HPSE2: variants seen among roughly 807,000 people sequenced by gnomAD.
HPSE2 encodes inactive heparanase-2.
Under a neutral mutation model 60.5 loss-of-function variants are expected in HPSE2, and 38 were observed. The observed-to-expected ratio is 0.63, with a 90% CI of 0.48 to 0.82. The LOEUF (loss-of-function observed/expected upper bound fraction) is 0.82, where lower values mean the gene tolerates loss of function less well. Among genes scored for constraint, HPSE2 ranks in the 40% least tolerant of loss-of-function variants. The probability of loss-of-function intolerance (pLI) is 0.00; values close to 1 mark genes in which losing one functional copy is unlikely to be tolerated. For synonymous variants in HPSE2, 295 were observed against 293.2 expected (o/e 1.01, Z -0.06); for missense variants, 713 against 740.4 (o/e 0.96, Z 0.43).
At chr10:99,182,412 C>T (rs1020555489) in intron 2 of HPSE2, among the ~76,000 whole-genome samples, 1 of 152,172 alleles carries the variant, frequency 6.6e-6, no homozygotes, top group East Asian at 1.9e-4. Context: ...ATCCAGACTT[C>T]CAGTTCTATA....
chr10:98,500,454 A>G (rs1211810649), intron 9 of HPSE2, among the ~76,000 whole-genome samples: 4 of 152,238 alleles, frequency 2.6e-5, no homozygotes, highest in African/African-American at 9.6e-5. Context: ...CAAGATAGAA[A>G]TTAAAAAATT....
In HPSE2 at chr10:99,119,059, AAGAG is replaced by A. The variant is rs1176674599; in HGVS notation, c.610+25175_610+25178del. On this transcript the variant is annotated intron_variant, in intron 3 of 11. Transcript: ENST00000370552. Reference sequence around the variant, plus strand: ...AGAAAGAAAAGAAAAGAAAGAAAGAAAGAGAGAGAAAGAAAGAAAGAGAAAGAAA... The same window carrying A: ...AGAAAGAAAAGAAAAGAAAGAAAGAAAGAGAAAGAAAGAAAGAGAAAGAAA... 6.2e-5 allele frequency among the ~76,000 whole-genome samples: 9 copies of A among 144,482 alleles called. No individual in the cohort carries two copies. In the East Asian group the frequency reaches 1.5e-3, roughly 24 times the overall value. 94.8% of individuals were successfully genotyped at this position (144,482 alleles called of 152,430 possible).
chr10:98,607,018 C>CT (rs1318094907), intron 9 of HPSE2, among the ~76,000 whole-genome samples: 1 of 151,904 alleles, frequency 6.6e-6, no homozygotes, highest in Non-Finnish European at 1.5e-5. Flanking sequence ...AAGGACATTT[C>CT]TTTTTTTCCT....
chr10:99,046,608 A>T (rs10748760), intron 3 of HPSE2, among the ~76,000 whole-genome samples: 69 of 152,084 alleles, frequency 4.5e-4, no homozygotes, highest in Non-Finnish European at 8.1e-4. Context: ...CTACTATAAA[A>T]GATCAATGAT....
At chr10:99,291,368 G>C in the HPSE2 span, among the ~76,000 whole-genome samples, 1 of 152,104 alleles carries the variant, frequency 6.6e-6, no homozygotes, top group Admixed American at 6.5e-5. Context: ...GGCAGATCAC[G>C]AGGTTAAGAG....
At chr10:99,113,051 T>C (rs939950995) in intron 3 of HPSE2, among the ~76,000 whole-genome samples, 21 of 152,226 alleles carry the variant, frequency 1.4e-4, no homozygotes, top group Non-Finnish European at 2.5e-4. Context: ...CATTTTCACT[T>C]TGCATTGTGA....
rs1360580716 is a variant in HPSE2, at chr10:98,698,296, G to T, written c.957-4349C>A. 4.6e-5 allele frequency among the ~76,000 whole-genome samples: 7 copies of T among 151,200 alleles called. 1 individual carries two copies. Among genetic ancestry groups the T allele is most frequent in the African/African-American group, 1.7e-4 (7 of 40,938 alleles). On this transcript the variant is annotated intron_variant, in intron 5 of 11. Transcript: ENST00000370552. ...AGAAATTATAACAAACTGTCTCTCA[G>T]ACCACAGTGCAATCAAACTAGAACT...
At chr10:98,641,803 AC>A (rs1565041342) in intron 7 of HPSE2, 43 bp downstream of exon 7, 1 of 1,401,998 alleles carries the variant, frequency 7.1e-7, no homozygotes. Context: ...TCCTTGTCTT[AC>A]CCCCAGAATC....
chr10:98,551,549 C>T (rs1019913905), intron 9 of HPSE2, among the ~76,000 whole-genome samples: 27 of 152,174 alleles, frequency 1.8e-4, no homozygotes, highest in African/African-American at 6.3e-4. Flanking sequence ...AATTTTCTCT[C>T]TCTGGAATCA....
intron 3 of HPSE2, among the ~76,000 whole-genome samples, chr10:99,028,146 G>A (rs1057133061): frequency 1.3e-5 from 2 of 152,082 alleles, no homozygotes; most frequent in Non-Finnish European, 2.9e-5. Flanking sequence ...GGAAGTCCTA[G>A]CTAGAGCAAC....
chr10:98,955,950 C>T (rs888959652), intron 3 of HPSE2, among the ~76,000 whole-genome samples: 1 of 151,956 alleles, frequency 6.6e-6, no homozygotes, highest in Admixed American at 6.6e-5. Flanking sequence ...ACACCAGGGC[C>T]TCTCAGGAGT....
At chr10:99,293,239 A>T in the HPSE2 span, among the ~76,000 whole-genome samples, 1 of 152,226 alleles carries the variant, frequency 6.6e-6, no homozygotes, top group African/African-American at 2.4e-5. Flanking sequence ...AAAAAAAGGA[A>T]GCTATATAAG....
intron 6 of HPSE2, among the ~76,000 whole-genome samples, chr10:98,673,007 A>G (rs1288040157): frequency 6.6e-6 from 1 of 152,212 alleles, no homozygotes; most frequent in Non-Finnish European, 1.5e-5. Context: ...GCTATAAGGT[A>G]TAATTTGCTC....
At chr10:99,173,786 T>C (rs1320599505) in intron 2 of HPSE2, among the ~76,000 whole-genome samples, 1 of 151,566 alleles carries the variant, frequency 6.6e-6, no homozygotes, top group Non-Finnish European at 1.5e-5. Flanking sequence ...CTACTAAAAG[T>C]ACAAAAATTA....
At chr10:99,234,577 C>G (rs1331031565) in intron 1 of HPSE2, among the ~76,000 whole-genome samples, 1 of 152,170 alleles carries the variant, frequency 6.6e-6, no homozygotes, top group African/African-American at 2.4e-5. Context: ...AACTCTGTCC[C>G]TGATGGGAAG....
chr10:99,254,289 C>A, the HPSE2 span, among the ~76,000 whole-genome samples: 1 of 152,090 alleles, frequency 6.6e-6, no homozygotes, highest in East Asian at 1.9e-4. Context: ...TGAATTAACA[C>A]AGGAACAGAT....
chr10:98,744,929 G>C (rs994154402), intron 3 of HPSE2, among the ~76,000 whole-genome samples: 1 of 152,208 alleles, frequency 6.6e-6, no homozygotes, highest in Non-Finnish European at 1.5e-5. Context: ...ATTGCCGGGC[G>C]TGGTGGCTCA....
At chr10:99,254,649 GT>G in the HPSE2 span, among the ~76,000 whole-genome samples, 1 of 152,150 alleles carries the variant, frequency 6.6e-6, no homozygotes, top group Non-Finnish European at 1.5e-5. Flanking sequence ...TAAAAGTTTA[GT>G]TTTTCCTATA....
chr10:99,195,924 A>T (rs1848381875), intron 2 of HPSE2, among the ~76,000 whole-genome samples: 2 of 152,136 alleles, frequency 1.3e-5, no homozygotes. Flanking sequence ...AACCTAGCAA[A>T]ACTGGAGGAA....
Sources: allele counts gnomAD v4.1 joint callset (sites outside exome capture counted in the v4.1 genomes callset), GRCh38; gene constraint gnomAD v4.1.1; transcripts MANE v1.5; gene names NCBI Gene and HGNC (gene_info 2026-07-23, HGNC 2026-07-21).